The following CNTNAP2 variants were observed in gnomAD, a reference collection of about 807,000 sequenced individuals.
CNTNAP2 encodes contactin associated protein 2.
In CNTNAP2, 98 loss-of-function variants were observed where a neutral mutation model predicts 155.2. The observed-to-expected ratio is 0.63, with a 90% confidence interval of 0.54 to 0.75. The LOEUF (loss-of-function observed/expected upper bound fraction) is 0.75. CNTNAP2 is among the 30% of genes least tolerant of loss of function. The pLI, the probability that CNTNAP2 is intolerant of heterozygous loss-of-function variation, is 0.00. For missense variants in CNTNAP2, 1,727 were observed against 1,688.1 expected (o/e 1.02, Z -0.40); for synonymous variants, 651 against 631.2 (o/e 1.03, Z -0.47).
chr7:147,896,774 C>G lies in CNTNAP2; in HGVS notation c.2099-6791C>G, dbSNP rs137981678. On this transcript the variant is annotated intron_variant, in intron 13 of 23. Transcript: ENST00000361727. The stretch of plus-strand genomic sequence containing the variant: ...ATGACTCTTAACTATAATTTCTAAT[C>G]TTGCGGCTAATGTTAGTCCTACAAA... Among the ~76,000 whole-genome samples the G allele has an allele frequency of 1.1e-3, 160 of 152,306 alleles. 1 individual carries two copies. Among genetic ancestry groups the G allele is most frequent in the African/African-American group, 3.5e-3 (145 of 41,566 alleles).
chr7:146,914,061 A>G (rs571643312), intron 3 of CNTNAP2, among the ~76,000 whole-genome samples: 5 of 152,136 alleles, frequency 3.3e-5, no homozygotes, highest in South Asian at 2.1e-4. Flanking sequence ...AGTTTCATCC[A>G]GGTTGCTATG....
intron 1 of CNTNAP2, 21 bp from the exon 2 acceptor site, chr7:146,774,250 C>G: frequency 6.3e-7 from 1 of 1,578,910 alleles, no homozygotes; most frequent in South Asian, 1.1e-5. Flanking sequence ...GTCTCTCTCC[C>G]TCTCTGTCTT....
chr7:147,926,589 CAAATTA>C (rs1234447556), intron 14 of CNTNAP2, among the ~76,000 whole-genome samples: 1 of 152,064 alleles, frequency 6.6e-6, no homozygotes, highest in Admixed American at 6.5e-5. Flanking sequence ...CCATCCTCTC[CAAATTA>C]AAATTAAAAT....
At chr7:147,545,807 T>TTAAGG (rs1799718891) in intron 11 of CNTNAP2, among the ~76,000 whole-genome samples, 1 of 152,156 alleles carries the variant, frequency 6.6e-6, no homozygotes, top group Non-Finnish European at 1.5e-5. Context: ...TCACCTTAAA[T>TTAAGG]TGTAGCTCCC....
intron 1 of CNTNAP2, among the ~76,000 whole-genome samples, chr7:146,470,370 T>C (rs1796779314): frequency 6.6e-6 from 1 of 152,104 alleles, no homozygotes; most frequent in Non-Finnish European, 1.5e-5. Flanking sequence ...TAAACATCAT[T>C]AATGAAGGGC....
intron 8 of CNTNAP2, among the ~76,000 whole-genome samples, chr7:147,206,789 A>G (rs1803032033): frequency 6.6e-6 from 1 of 152,104 alleles, no homozygotes; most frequent in African/African-American, 2.4e-5. Context: ...ACAAAACAGG[A>G]CTTAACTTAG....
At chr7:146,643,435 G>C (rs958206975) in intron 1 of CNTNAP2, among the ~76,000 whole-genome samples, 3 of 152,060 alleles carry the variant, frequency 2.0e-5, no homozygotes, top group African/African-American at 7.2e-5. Context: ...CCCATTGTTT[G>C]TTTTTCTCAG....
At chr7:147,135,975 T>A (rs1301127089) in intron 8 of CNTNAP2, among the ~76,000 whole-genome samples, 2 of 151,614 alleles carry the variant, frequency 1.3e-5, no homozygotes, top group African/African-American at 4.8e-5. Context: ...AGTATTATAA[T>A]ATTATAATGG....
intron 13 of CNTNAP2, among the ~76,000 whole-genome samples, chr7:147,752,366 T>G (rs940871313): frequency 6.6e-6 from 1 of 152,086 alleles, no homozygotes; most frequent in Admixed American, 6.5e-5. Flanking sequence ...TCTGAAAGAC[T>G]AAGATAAAGC....
At chr7:147,486,422 G>A (rs762457324) in intron 11 of CNTNAP2, among the ~76,000 whole-genome samples, 113 of 152,224 alleles carry the variant, frequency 7.4e-4, no homozygotes, top group Non-Finnish European at 1.4e-3. Context: ...TAATCCGAGA[G>A]GGAGACACAG....
chr7:146,230,559 TA>T (rs1347114193), intron 1 of CNTNAP2, among the ~76,000 whole-genome samples: 1 of 152,210 alleles, frequency 6.6e-6, no homozygotes. Flanking sequence ...AGAAAAATTT[TA>T]AAATAATTGT....
At chr7:147,324,364 AACAGTGTGC>A (rs1459829750) in intron 9 of CNTNAP2, among the ~76,000 whole-genome samples, 4 of 152,228 alleles carry the variant, frequency 2.6e-5, no homozygotes, top group Non-Finnish European at 5.9e-5. Context: ...CCTAGAAGAC[AACAGTGTGC>A]ATGATTTAAG....
intron 15 of CNTNAP2, among the ~76,000 whole-genome samples, chr7:148,065,550 G>A (rs550297606): frequency 4.7e-4 from 71 of 152,102 alleles, no homozygotes; most frequent in African/African-American, 9.4e-4. Context: ...GTACCTCTTC[G>A]TCTTTTTTAA....
chr7:146,808,337 T>G (rs913184498), intron 2 of CNTNAP2, among the ~76,000 whole-genome samples: 8 of 152,348 alleles, frequency 5.3e-5, no homozygotes, highest in Admixed American at 5.2e-4. Context: ...TTGAGAGCAC[T>G]GTAGAGAATG....
At chr7:147,977,137 A>G (rs1035252589) in intron 14 of CNTNAP2, among the ~76,000 whole-genome samples, 4 of 152,160 alleles carry the variant, frequency 2.6e-5, no homozygotes, top group African/African-American at 9.6e-5. Context: ...CTGGGTTTCT[A>G]TGCTCCATTC....
chr7:146,482,981 A>G (rs1796986095), intron 1 of CNTNAP2, among the ~76,000 whole-genome samples: 1 of 151,558 alleles, frequency 6.6e-6, no homozygotes, highest in Non-Finnish European at 1.5e-5. Flanking sequence ...GAAATTTTAA[A>G]AAAATATTTT....
At chr7:146,295,956 C>A (rs1023727400) in intron 1 of CNTNAP2, among the ~76,000 whole-genome samples, 2 of 151,812 alleles carry the variant, frequency 1.3e-5, no homozygotes, top group Admixed American at 1.3e-4. Flanking sequence ...AAGCTGTCCT[C>A]ACAGGGTTAG....
rs62473314 is a variant in CNTNAP2, at chr7:148,020,626, A to G, written c.2383+42637A>G. ...AGTGAATAAAGAAGGAGTGAATTAT[A>G]TGATTGTCTACCCCACAGTTTCAGT... On this transcript the variant is annotated intron_variant, in intron 15 of 23. Transcript: ENST00000361727. Among the ~76,000 whole-genome samples, 398 of 152,366 alleles carry G rather than the reference A, an allele frequency of 2.6e-3. 2 individuals carry two copies. The highest frequency in any genetic ancestry group is 0.014 in the Middle Eastern group (4 of 294).
intron 13 of CNTNAP2, among the ~76,000 whole-genome samples, chr7:147,885,060 T>C (rs748466276): frequency 3.3e-5 from 5 of 152,234 alleles, no homozygotes; most frequent in African/African-American, 7.2e-5. Flanking sequence ...TAACAAGTAT[T>C]GGGTTGGTGC....
Sources: allele counts gnomAD v4.1 joint callset (sites outside exome capture counted in the v4.1 genomes callset), GRCh38; gene constraint gnomAD v4.1.1; transcripts MANE v1.5; gene names NCBI Gene and HGNC (gene_info 2026-07-23, HGNC 2026-07-21).